The following CATSPERT variants were observed in gnomAD, a reference collection of about 807,000 sequenced individuals.
CATSPERT encodes the protein cation channel sperm-associated targeting subunit tau.
chr2:201,592,746 T>C, the CATSPERT span, among the ~76,000 whole-genome samples: 1 of 152,238 alleles, frequency 6.6e-6, no homozygotes, highest in African/African-American at 2.4e-5. Flanking sequence ...CCATTTCTTC[T>C]AGATTTTCTA....
chr2:201,581,520 AT>A, the CATSPERT span, among the ~76,000 whole-genome samples: 1 of 67,070 alleles, frequency 1.5e-5, no homozygotes, highest in Non-Finnish European at 2.9e-5. Context: ...ATATATATAT[AT>A]ATAAAATATT....
chr2:201,589,284 G>A, the CATSPERT span, among the ~76,000 whole-genome samples: 1 of 152,080 alleles, frequency 6.6e-6, no homozygotes, highest in African/African-American at 2.4e-5. Context: ...CCAAAAAAGA[G>A]CCCAAATAAC....
the CATSPERT span, among the ~76,000 whole-genome samples, chr2:201,601,123 G>A: frequency 5.3e-5 from 8 of 152,010 alleles, no homozygotes; most frequent in East Asian, 1.9e-4. Flanking sequence ...AGTAAGTGCC[G>A]GTGTGTGAGG....
At chr2:201,514,968 A>G in the CATSPERT span, among the ~76,000 whole-genome samples, 1 of 152,116 alleles carries the variant, frequency 6.6e-6, no homozygotes, top group African/African-American at 2.4e-5. Context: ...TGCAAAACCA[A>G]AATGATGCTA....
chr2:201,545,612 T>C, the CATSPERT span: 3 of 1,094,294 alleles, frequency 2.7e-6, no homozygotes, highest in African/African-American at 1.9e-5. Context: ...GCCTCATCTA[T>C]ATTAGTTTCC....
chr2:201,510,957 G>A, the CATSPERT span, among the ~76,000 whole-genome samples: 2 of 152,126 alleles, frequency 1.3e-5, no homozygotes, highest in Non-Finnish European at 2.9e-5. Flanking sequence ...AACATATAAA[G>A]CATTTTCACA....
At chr2:201,553,941 A>G in the CATSPERT span, 1 of 152,306 alleles carries the variant, frequency 6.6e-6, no homozygotes, top group South Asian at 2.1e-4. Context: ...TCCAAAAGTT[A>G]TTCTTACTAT....
the CATSPERT span, among the ~76,000 whole-genome samples, chr2:201,578,040 C>G: frequency 1.3e-5 from 2 of 151,930 alleles, no homozygotes; most frequent in African/African-American, 4.8e-5. Flanking sequence ...TATGGGCAAA[C>G]AGAGGAATAC....
the CATSPERT span, chr2:201,494,835 C>A: frequency 1.4e-6 from 2 of 1,389,706 alleles, no homozygotes; most frequent in African/African-American, 1.4e-5. Flanking sequence ...AGTTAATTTT[C>A]CTTGAGCAAT....
chr2:201,611,857 G>A, the CATSPERT span, among the ~76,000 whole-genome samples: 1 of 152,116 alleles, frequency 6.6e-6, no homozygotes, highest in Non-Finnish European at 1.5e-5. Context: ...TGCCGTTTAG[G>A]TCTCCATGCT....
chr2:201,564,220 T>C, the CATSPERT span, among the ~76,000 whole-genome samples: 3 of 152,336 alleles, frequency 2.0e-5, no homozygotes, highest in South Asian at 6.2e-4. Flanking sequence ...TCAAATCATT[T>C]CAATTTCAAT....
the CATSPERT span, among the ~76,000 whole-genome samples, chr2:201,598,896 T>A: frequency 1.3e-5 from 2 of 152,140 alleles, no homozygotes; most frequent in Non-Finnish European, 2.9e-5. Context: ...CCTCCTAATC[T>A]AATTCTCACA....
the CATSPERT span, among the ~76,000 whole-genome samples, chr2:201,539,392 T>C: frequency 2.2e-4 from 33 of 152,186 alleles, 2 homozygotes; most frequent in Admixed American, 2.2e-3. Flanking sequence ...CATTATGGTT[T>C]TGATTCACAT....
chr2:201,548,136 G>C, the CATSPERT span, among the ~76,000 whole-genome samples: 1 of 151,816 alleles, frequency 6.6e-6, no homozygotes, highest in African/African-American at 2.4e-5. Context: ...GTGCCACGTT[G>C]GTTTGCTGCA....
At chr2:201,489,266 A>C in the CATSPERT span, among the ~76,000 whole-genome samples, 4 of 152,340 alleles carry the variant, frequency 2.6e-5, no homozygotes, top group Admixed American at 6.5e-5. Context: ...ATATAATCTT[A>C]TATCATTTAA....
At chr2:201,509,929 T>C in the CATSPERT span, among the ~76,000 whole-genome samples, 1 of 150,812 alleles carries the variant, frequency 6.6e-6, no homozygotes, top group African/African-American at 2.5e-5. Context: ...ATATATAATA[T>C]ATACATTTAA....
the CATSPERT span, among the ~76,000 whole-genome samples, chr2:201,586,418 A>G: frequency 4.6e-5 from 7 of 152,130 alleles, no homozygotes; most frequent in South Asian, 2.1e-4. Flanking sequence ...AAAAGAAGGT[A>G]ATAGATTTAA....
At chr2:201,571,335 T>G in the CATSPERT span, among the ~76,000 whole-genome samples, 1 of 152,220 alleles carries the variant, frequency 6.6e-6, no homozygotes, top group East Asian at 1.9e-4. Flanking sequence ...CATTTCAGCT[T>G]TTTTCCATTT....
chr2:201,565,136 T>A, the CATSPERT span, among the ~76,000 whole-genome samples: 1 of 151,438 alleles, frequency 6.6e-6, no homozygotes, highest in South Asian at 2.1e-4. Flanking sequence ...ACCTACGAAA[T>A]ACACTGGTGA....
Sources: allele counts gnomAD v4.1 joint callset (sites outside exome capture counted in the v4.1 genomes callset), GRCh38; gene constraint gnomAD v4.1.1; transcripts MANE v1.5; gene names NCBI Gene and HGNC (gene_info 2026-07-23, HGNC 2026-07-21).